The following PXK variants were observed in gnomAD, a reference collection of about 807,000 sequenced individuals.
The protein encoded by PXK is PX domain-containing protein kinase-like protein.
Under a neutral mutation model 84.7 loss-of-function variants are expected in PXK, and 35 were observed. That is an observed-to-expected ratio of 0.41 (90% confidence interval 0.32 to 0.55). The LOEUF (loss-of-function observed/expected upper bound fraction) is 0.55, where lower values mean the gene tolerates loss of function less well. Ranked by LOEUF, PXK falls within the 20% of genes least tolerant of loss-of-function variation. PXK has a pLI of 0.21. For missense variants in PXK, 634 were observed against 699.7 expected, an observed-to-expected ratio of 0.91 and a Z score of 1.06; for synonymous variants, 253 against 260.8, an observed-to-expected ratio of 0.97 and a Z score of 0.29.
At chr3:58,382,762 G>A (rs2098515914) in intron 4 of PXK, 62 bp downstream of exon 4, 1 of 1,230,684 alleles carries the variant, frequency 8.1e-7, no homozygotes, top group Non-Finnish European at 1.1e-6. Flanking sequence ...CCTTGCTGGA[G>A]ATAACGTATG....
chr3:58,396,292 ATTTG>A (rs1204458750), intron 9 of PXK, among the ~76,000 whole-genome samples: 6 of 152,202 alleles, frequency 3.9e-5, no homozygotes, highest in Non-Finnish European at 8.8e-5. Flanking sequence ...TATATATTAT[ATTTG>A]TTTGGATGGA....
rs779331648 is a variant in PXK at position 58,407,325 on chromosome 3, A to G, written c.1231-1599A>G. 6.6e-6 allele frequency among the ~76,000 whole-genome samples: 1 copy of G among 152,024 alleles called. No individual in the cohort carries two copies. The highest frequency in any genetic ancestry group is 2.4e-5 in the African/African-American group (1 of 41,400). ...GACTAAAGACATTGAGTGTCTTTTCATATGTTTTTTGGCCATTTGTATATT... is the reference window on the plus strand; with the variant it reads ...GACTAAAGACATTGAGTGTCTTTTCGTATGTTTTTTGGCCATTTGTATATT... On this transcript the variant is annotated intron_variant, in intron 13 of 17. Coordinates refer to ENST00000356151, the MANE Select transcript of PXK (RefSeq NM_017771.5). This position sits in a 1 kb window ranked among gnomAD's most constrained non-coding sequence, Gnocchi z 4.3.
rs1437248948 is a variant in PXK, at chr3:58,332,956, C to T, written c.-33C>T. The T allele has an allele frequency of 5.4e-5, 71 of 1,312,740 alleles. No homozygotes were observed. The highest frequency in any genetic ancestry group is 6.8e-5 in the Non-Finnish European group (69 of 1,010,046). The allele number at this position is 1,312,740 out of a possible 1,614,324, so 81.3% of individuals were successfully genotyped here. ...GTCGGCGCCTCGGGTTCCTACCTCG[C>T]GTCCCTAGGCGGCGGCGGCCGGGCG... On this transcript the variant is annotated 5_prime_UTR_variant, in exon 1 of 18. Coordinates refer to ENST00000356151, the MANE Select transcript of PXK (RefSeq NM_017771.5). The surrounding 1 kb of genome is among the most constrained non-coding windows in gnomAD (Gnocchi z 5.6).
intron 9 of PXK, 85 bp from the exon 10 acceptor site, chr3:58,396,954 A>G: frequency 7.1e-7 from 1 of 1,415,204 alleles, no homozygotes; most frequent in East Asian, 2.3e-5. Flanking sequence ...TTGTTTCAAA[A>G]TATATTGACT....
Position 58,351,633 on chromosome 3 carries a change from T to A in PXK, c.103-14241T>A, listed in dbSNP as rs577850075. The stretch of plus-strand genomic sequence containing the variant: ...AACTGAGAAACTTTTCCAAAAATTG[T>A]TTTTCCTGATTGTAAAAATAATTTA... On this transcript the variant is annotated intron_variant, in intron 1 of 17. Transcript: ENST00000356151. Among the ~76,000 whole-genome samples, 8 of 152,164 alleles carry A rather than the reference T, an allele frequency of 5.3e-5. No individual in the cohort carries two copies. In the South Asian group the frequency reaches 1.2e-3, roughly 24 times the overall value.
intron 1 of PXK, among the ~76,000 whole-genome samples, chr3:58,349,467 T>C (rs7618945): frequency 6.6e-6 from 1 of 151,370 alleles, no homozygotes; most frequent in Non-Finnish European, 1.5e-5. Context: ...GCGATTCTCC[T>C]GCCTCAGCCT....
At chr3:58,336,069 ATATTTTTTTTTT>A (rs2097595917) in intron 1 of PXK, among the ~76,000 whole-genome samples, 1 of 56,634 alleles carries the variant, frequency 1.8e-5, no homozygotes, top group African/African-American at 1.2e-4. Context: ...ATATATATAT[ATATTTTTTTTTT>A]TTTTTTTTAA....
chr3:58,400,430 G>A lies in PXK; in HGVS notation c.1181+1053G>A, dbSNP rs2058377950. ...GGCATGTAGCCAGAGTTCAGAGAAG[G>A]TAGAGATAACTTCCGGTTCCTGGTT... On this transcript the variant is annotated intron_variant, in intron 12 of 17. Transcript: ENST00000356151. The surrounding 1 kb of genome is among the most constrained non-coding windows in gnomAD (Gnocchi z 4.0). 6.6e-6 allele frequency among the ~76,000 whole-genome samples: 1 copy of A among 152,172 alleles called. No individual in the cohort carries two copies. The highest frequency in any genetic ancestry group is 2.1e-4 in the South Asian group (1 of 4,826).
rs1032145400 is a variant in PXK at position 58,408,027 on chromosome 3, C to G, written c.1231-897C>G. The stretch of plus-strand genomic sequence containing the variant: ...AGGTCTTATGTTTAGGTTTTGAATC[C>G]ATTTTGAGTTAATTTTTGTTTATGG... On this transcript the variant is annotated intron_variant, in intron 13 of 17. Coordinates refer to ENST00000356151, the MANE Select transcript of PXK (RefSeq NM_017771.5). Among the ~76,000 whole-genome samples the G allele has an allele frequency of 1.8e-4, 28 of 152,194 alleles. 1 individual carries two copies. The highest frequency in any genetic ancestry group is 1.7e-3 in the Admixed American group (26 of 15,294).
At chr3:58,396,134 C>T (rs998211985) in intron 9 of PXK, among the ~76,000 whole-genome samples, 5 of 152,044 alleles carry the variant, frequency 3.3e-5, no homozygotes, top group East Asian at 1.9e-4. Context: ...GAAGGCTTTC[C>T]GACATCACCC....
intron 12 of PXK, among the ~76,000 whole-genome samples, chr3:58,402,378 C>G (rs577864553): frequency 6.6e-6 from 1 of 151,536 alleles, no homozygotes; most frequent in East Asian, 1.9e-4. Flanking sequence ...GGACTGCAGG[C>G]GAATGCCACT....
In PXK at chr3:58,412,986, A is replaced by G; in HGVS notation, c.1528+23A>G. 1 of 1,612,750 alleles carries G rather than the reference A, an allele frequency of 6.2e-7. No homozygotes were observed. Among genetic ancestry groups the G allele is most frequent in the Non-Finnish European group, 8.5e-7 (1 of 1,178,820 alleles). ...CAGGTTAGTGATGGAGTAAAGTGAC[A>G]TGCCACCTTCCTGTCCGCCAACAGG... On this transcript the variant is annotated intron_variant, in intron 17 of 17. Transcript: ENST00000356151. The surrounding 1 kb of genome is among the most constrained non-coding windows in gnomAD (Gnocchi z 6.2).
rs200221394 is a variant in PXK, at chr3:58,395,745, C to T, written c.808C>T (p.Arg270Trp). The change falls in exon 9 of 18, where the codon CGG becomes TGG. Residue 270 changes from arginine (R) to tryptophan (W), a missense_variant. Physicochemically the swap from Arg to Trp is moderately radical, Grantham distance 101 (BLOSUM62 -3). Coordinates refer to ENST00000356151, the MANE Select transcript of PXK (RefSeq NM_017771.5). Reference sequence around the variant, plus strand: ...ACTCCAGCAAATAAAAACATATGGACGGCAAATATTAGAGGTAAGAGGTAC... The same window carrying T: ...ACTCCAGCAAATAAAAACATATGGATGGCAAATATTAGAGGTAAGAGGTAC... ...LELQQIKTYG[R>W]QILEVLKFLH... The T allele has an allele frequency of 2.4e-4, 380 of 1,609,066 alleles. 1 individual carries two copies. Among genetic ancestry groups the T allele is most frequent in the Non-Finnish European group, 2.5e-4 (291 of 1,175,760 alleles).
rs1337734331 is a variant in PXK, at chr3:58,400,119, C to T, written c.1181+742C>T. Among the ~76,000 whole-genome samples the T allele has an allele frequency of 6.6e-6, 1 of 152,022 alleles. No individual in the cohort carries two copies. Among genetic ancestry groups the T allele is most frequent in the Non-Finnish European group, 1.5e-5 (1 of 68,012 alleles). On this transcript the variant is annotated intron_variant, in intron 12 of 17. Transcript: ENST00000356151. This position sits in a 1 kb window ranked among gnomAD's most constrained non-coding sequence, Gnocchi z 4.0. The stretch of plus-strand genomic sequence containing the variant: ...TACCTGGGTGACCTTAGACAAATTT[C>T]CTAACCTCTGGAAGTAGAGTTTTGT...
chr3:58,375,727 T>A (rs1192183218), intron 3 of PXK, among the ~76,000 whole-genome samples: 2 of 152,154 alleles, frequency 1.3e-5, no homozygotes, highest in Non-Finnish European at 2.9e-5. Flanking sequence ...AGTGTGGGTG[T>A]GTGTGAGCGC....
At position 58,370,624 on chromosome 3, in the gene PXK, G is replaced by A. The variant is rs1344593323; in HGVS notation, c.201+1146G>A. Among the ~76,000 whole-genome samples the A allele has an allele frequency of 2.6e-5, 4 of 152,168 alleles. No homozygotes were observed. The highest frequency in any genetic ancestry group is 5.9e-5 in the Non-Finnish European group (4 of 68,028). The stretch of plus-strand genomic sequence containing the variant: ...GGGACCTCTGATCTTGCCCATAAAG[G>A]TCAGGAGGACTGTGCACTAGGAGGA... On this transcript the variant is annotated intron_variant, in intron 3 of 17. Transcript: ENST00000356151. This position sits in a 1 kb window ranked among gnomAD's most constrained non-coding sequence, Gnocchi z 4.2.
At chr3:58,367,318 C>T (rs955409214) in intron 2 of PXK, among the ~76,000 whole-genome samples, 5 of 151,902 alleles carry the variant, frequency 3.3e-5, no homozygotes, top group Non-Finnish European at 2.9e-5. Flanking sequence ...GATCTTCGCT[C>T]ACTGCAAACT....
At chr3:58,365,330 C>T (rs950215590) in intron 1 of PXK, among the ~76,000 whole-genome samples, 1 of 151,978 alleles carries the variant, frequency 6.6e-6, no homozygotes, top group East Asian at 1.9e-4. Context: ...TTCCTGTTAC[C>T]AATCTTACTG....
Position 58,425,021 on chromosome 3 carries a change from C to A in PXK, c.*61C>A, listed in dbSNP as rs76887010. 5 of 1,581,156 alleles carry A rather than the reference C, an allele frequency of 3.2e-6. No homozygotes were observed. In the African/African-American group the frequency reaches 5.4e-5, roughly 17 times the overall value. On this transcript the variant is annotated 3_prime_UTR_variant, in exon 18 of 18. Transcript: ENST00000356151. ...TTTATTCCTACTCACCCCTACCCCC[C>A]AAACTACCCTCTTCCTGGGAAAGTA...
Sources: allele counts gnomAD v4.1 joint callset (sites outside exome capture counted in the v4.1 genomes callset), GRCh38; gene constraint gnomAD v4.1.1; non-coding constraint Gnocchi (gnomAD v3.1); transcripts MANE v1.5; gene names NCBI Gene and HGNC (gene_info 2026-07-23, HGNC 2026-07-21).